The following SEPTIN11 variants were observed in gnomAD, a reference collection of about 807,000 sequenced individuals.
SEPTIN11 encodes the protein septin-11.
SEPTIN11 carries 25 observed loss-of-function variants against 51.4 expected under a neutral mutation model. The observed-to-expected ratio is 0.49, with a 90% CI of 0.35 to 0.68. The LOEUF is 0.68. Ranked by LOEUF, SEPTIN11 falls within the 30% of genes least tolerant of loss-of-function variation. The pLI is 0.00. For missense variants in SEPTIN11, 381 were observed against 520.8 expected (o/e 0.73, Z 2.61); for synonymous variants, 174 against 184.1 (o/e 0.95, Z 0.44).
rs372557600 is a variant in SEPTIN11, at chr4:77,011,194, C to T, written c.339-541C>T. Among the ~76,000 whole-genome samples the T allele has an allele frequency of 1.6e-4, 24 of 152,238 alleles. 1 individual carries two copies. The East Asian group carries it at 4.1e-3, about 26-fold the overall frequency. ...AATAGGGCAGATGACCAGGGAATAG[C>T]TCGCAGTAGGTGGTGGTGTCATATC... is the stretch of plus-strand genomic sequence containing the variant. On this transcript the variant is annotated intron_variant, in intron 3 of 9. Transcript: ENST00000264893.
intron 3 of SEPTIN11, among the ~76,000 whole-genome samples, chr4:77,010,942 A>G (rs998979905): frequency 2.0e-5 from 3 of 152,174 alleles, no homozygotes; most frequent in Non-Finnish European, 4.4e-5. Context: ...CCAATATGCT[A>G]TTAGTCATTG....
Position 77,028,713 on chromosome 4 carries a change from T to G in SEPTIN11, c.1038T>G (p.Val346=). 6.2e-7 allele frequency: 1 copy of G among 1,613,838 alleles called. No individual in the cohort carries two copies. Among genetic ancestry groups the G allele is most frequent in the Non-Finnish European group, 8.5e-7 (1 of 1,179,896 alleles). ...AAGAAGAAATGAGACAAATGTTTGT[T>G]ATGAGAGTGAAGGAGAAAGAAGCTG... The part of the protein sequence containing the change: ...KKEEEMRQMF[V]MRVKEKEAEL... The change falls in exon 8 of 10, where the codon GTT becomes GTG. Residue 346 remains valine (V), a synonymous_variant. Coordinates refer to ENST00000264893, the MANE Select transcript of SEPTIN11 (RefSeq NM_018243.4).
intron 3 of SEPTIN11, among the ~76,000 whole-genome samples, chr4:77,011,476 G>A (rs1724860319): frequency 6.9e-6 from 1 of 145,828 alleles, no homozygotes; most frequent in Non-Finnish European, 1.5e-5. Context: ...CTCGCAGAGG[G>A]GCCAGCGTGA....
At position 77,015,446 on chromosome 4, in the gene SEPTIN11, T is replaced by C. The variant is rs149538345; in HGVS notation, c.687+429T>C. Among the ~76,000 whole-genome samples, 290 of 152,314 alleles carry C rather than the reference T, an allele frequency of 1.9e-3. 2 individuals carry two copies. The highest frequency in any genetic ancestry group is 6.6e-3 in the African/African-American group (273 of 41,556). ...TCCCTATACTTTTCTAATCATTAGG[T>C]AAACTGGCAGTTGAGGATACAATTT... On this transcript the variant is annotated intron_variant, in intron 5 of 9. Coordinates refer to ENST00000264893, the MANE Select transcript of SEPTIN11 (RefSeq NM_018243.4).
At chr4:76,978,629 G>A (rs1457860119) in intron 1 of SEPTIN11, among the ~76,000 whole-genome samples, 1 of 152,136 alleles carries the variant, frequency 6.6e-6, no homozygotes, top group Non-Finnish European at 1.5e-5. Context: ...CCGTAAAATG[G>A]GAATAATAAC....
At chr4:76,958,746 T>A (rs543517062) in intron 1 of SEPTIN11, 1 of 596,994 alleles carries the variant, frequency 1.7e-6, no homozygotes, top group Non-Finnish European at 2.9e-6. Context: ...TGTTTTATTG[T>A]CACCCAGATG....
At chr4:76,983,354 C>T (rs1722864706) in intron 1 of SEPTIN11, among the ~76,000 whole-genome samples, 1 of 152,192 alleles carries the variant, frequency 6.6e-6, no homozygotes, top group African/African-American at 2.4e-5. Flanking sequence ...TGAGTGCAGC[C>T]TCTGACAGCG....
chr4:77,016,629 T>C (rs13136609), intron 5 of SEPTIN11, among the ~76,000 whole-genome samples: 14,221 of 72,964 alleles, frequency 0.19, 1,551 homozygotes, highest in South Asian at 0.29. Flanking sequence ...TATATATATA[T>C]ACACATATAT....
intron 7 of SEPTIN11, among the ~76,000 whole-genome samples, chr4:77,023,269 T>TAC (rs61693678): frequency 0.023 from 3,219 of 139,206 alleles, 33 homozygotes; most frequent in African/African-American, 0.034. Context: ...GGAAAATGTA[T>TAC]ACACACACAC....
At chr4:77,023,709 C>A (rs1380055834) in intron 7 of SEPTIN11, among the ~76,000 whole-genome samples, 1 of 152,138 alleles carries the variant, frequency 6.6e-6, no homozygotes, top group African/African-American at 2.4e-5. Context: ...CGGCCTTTCC[C>A]TTTGAAGAAT....
chr4:76,949,782 C>A lies in SEPTIN11; in HGVS notation c.-122C>A, dbSNP rs1298528998. 6.4e-6 allele frequency: 7 copies of A among 1,100,386 alleles called. No individual in the cohort carries two copies. Among genetic ancestry groups the A allele is most frequent in the East Asian group, 3.1e-5 (1 of 32,736 alleles). The allele number at this position is 1,100,386 out of a possible 1,614,324, so 68.2% of individuals were successfully genotyped here. Reference sequence around the variant, plus strand: ...GATGCCGCTGGCTGCCAGCGGGACGCCGGCGAGCAGAGCGCAGCCGCGAGG... The same window carrying A: ...GATGCCGCTGGCTGCCAGCGGGACGACGGCGAGCAGAGCGCAGCCGCGAGG... On this transcript the variant is annotated 5_prime_UTR_variant, in exon 1 of 10. Coordinates refer to ENST00000264893, the MANE Select transcript of SEPTIN11 (RefSeq NM_018243.4).
intron 3 of SEPTIN11, among the ~76,000 whole-genome samples, chr4:77,009,354 A>G (rs1274669611): frequency 6.6e-6 from 1 of 152,228 alleles, no homozygotes; most frequent in Admixed American, 6.5e-5. Flanking sequence ...AGTTGAAAAT[A>G]TAGGATAACC....
intron 2 of SEPTIN11, among the ~76,000 whole-genome samples, chr4:76,999,676 G>T (rs1455963815): frequency 6.6e-6 from 1 of 152,162 alleles, no homozygotes; most frequent in Non-Finnish European, 1.5e-5. Context: ...GGCAGAAAAT[G>T]GTCCTGGCAT....
intron 1 of SEPTIN11, among the ~76,000 whole-genome samples, chr4:76,960,329 T>C (rs989985488): frequency 3.9e-5 from 6 of 152,242 alleles, no homozygotes; most frequent in African/African-American, 1.4e-4. Flanking sequence ...AATGTTGGAT[T>C]GTCTGAAGTT....
chr4:76,990,246 A>T (rs1178891428), intron 1 of SEPTIN11, among the ~76,000 whole-genome samples: 1 of 152,034 alleles, frequency 6.6e-6, no homozygotes, highest in African/African-American at 2.4e-5. Flanking sequence ...GCTACAGAGT[A>T]CTGATTGGTG....
chr4:76,962,884 C>G (rs1319872549), intron 1 of SEPTIN11, among the ~76,000 whole-genome samples: 1 of 152,136 alleles, frequency 6.6e-6, no homozygotes, highest in Non-Finnish European at 1.5e-5. Flanking sequence ...TAAAGATGTA[C>G]TCAATCTGTC....
At chr4:76,963,689 T>G (rs1721912152) in intron 1 of SEPTIN11, among the ~76,000 whole-genome samples, 1 of 152,232 alleles carries the variant, frequency 6.6e-6, no homozygotes, top group African/African-American at 2.4e-5. Flanking sequence ...TAATTTACAC[T>G]TAAACAGCCA....
chr4:77,036,429 C>T lies in SEPTIN11; in HGVS notation c.*1917C>T. The T allele has an allele frequency of 8.5e-7, 1 of 1,173,606 alleles. No homozygotes were observed. Among genetic ancestry groups the T allele is most frequent in the Non-Finnish European group, 1.1e-6 (1 of 944,746 alleles). 72.7% of individuals were successfully genotyped at this position (1,173,606 alleles called of 1,614,324 possible). ...TGTTGTATGCTTGTTCCAACCACCGCTTGTGTGAGCATTTTTGTGGCTTGT... is the reference window on the plus strand; with the variant it reads ...TGTTGTATGCTTGTTCCAACCACCGTTTGTGTGAGCATTTTTGTGGCTTGT... On this transcript the variant is annotated 3_prime_UTR_variant, in exon 10 of 10. Coordinates refer to ENST00000264893, the MANE Select transcript of SEPTIN11 (RefSeq NM_018243.4).
chr4:77,016,697 C>T (rs1725337992), intron 5 of SEPTIN11, among the ~76,000 whole-genome samples: 1 of 122,354 alleles, frequency 8.2e-6, no homozygotes, highest in Non-Finnish European at 1.7e-5. Flanking sequence ...GTGGCTCATA[C>T]CTGTAATCCC....
Sources: gnomAD v4.1 joint callset for allele counts (sites outside exome capture counted in the v4.1 genomes callset) on GRCh38, gnomAD v4.1.1 for gene constraint, MANE v1.5 for transcripts, NCBI Gene and HGNC (gene_info 2026-07-23, HGNC 2026-07-21) for gene names.